The following FSTL1 variants were observed in gnomAD, a reference collection of about 807,000 sequenced individuals.
FSTL1 encodes follistatin-related protein 1.
In FSTL1, 24 loss-of-function variants were observed where a neutral mutation model predicts 45.9. The ratio of observed to expected loss-of-function variants is 0.52; its 90% CI spans 0.38 to 0.74. The LOEUF (loss-of-function observed/expected upper bound fraction) is 0.74, where lower values mean the gene tolerates loss of function less well. Ranked by LOEUF, FSTL1 falls within the 30% of genes least tolerant of loss-of-function variation. The pLI, the probability that FSTL1 is intolerant of heterozygous loss-of-function variation, is 0.00. For synonymous variants in FSTL1, 120 were observed against 137.6 expected (o/e 0.87, Z 0.89); for missense variants, 340 against 381.8 (o/e 0.89, Z 0.91).
chr3:120,406,674 G>A (rs1472087492), intron 6 of FSTL1, among the ~76,000 whole-genome samples: 1 of 152,224 alleles, frequency 6.6e-6, no homozygotes, highest in Admixed American at 6.5e-5. Context: ...GCCTGCCCCA[G>A]AAATAGCCTG....
At chr3:120,450,488 G>T (rs1190777348) in intron 2 of FSTL1, among the ~76,000 whole-genome samples, 196 bp downstream of exon 2, 1 of 151,994 alleles carries the variant, frequency 6.6e-6, no homozygotes, top group Non-Finnish European at 1.5e-5. Flanking sequence ...CTTACGGCCC[G>T]AACTACTTTT....
At chr3:120,445,220 G>A (rs116398462) in intron 2 of FSTL1, among the ~76,000 whole-genome samples, 1 of 149,760 alleles carries the variant, frequency 6.7e-6, no homozygotes, top group African/African-American at 2.6e-5. Context: ...TGTGTTTGCT[G>A]CACATCCTTG....
chr3:120,395,964 T>C lies in FSTL1; in HGVS notation c.*988A>G. 1 of 294,212 alleles carries C rather than the reference T, an allele frequency of 3.4e-6. No homozygotes were observed. 18.2% of individuals were successfully genotyped at this position (294,212 alleles called of 1,614,324 possible). On this transcript the variant is annotated 3_prime_UTR_variant, in exon 11 of 11. Transcript: ENST00000295633. ...CTCAGAATAAATAAAAACAAATTAA[T>C]GTTTGGATCTTGAAAGTTTTTTATG...
At chr3:120,441,549 TA>T (rs1206864099) in intron 2 of FSTL1, 3 of 152,206 alleles carry the variant, frequency 2.0e-5, no homozygotes, top group Admixed American at 2.0e-4. Flanking sequence ...GTTTTCTCTT[TA>T]AAAAAGAAGG....
At chr3:120,422,206 G>T (rs1233393736) in intron 2 of FSTL1, among the ~76,000 whole-genome samples, 1 of 152,128 alleles carries the variant, frequency 6.6e-6, no homozygotes, top group African/African-American at 2.4e-5. Flanking sequence ...ATGTCATTTG[G>T]GGGTACAAAG....
At position 120,403,439 on chromosome 3, in the gene FSTL1, C is replaced by G; in HGVS notation, c.582-85G>C. The G allele has an allele frequency of 3.8e-6, 3 of 787,612 alleles. No homozygotes were observed. The Admixed American group carries it at 6.2e-5, about 16-fold the overall frequency. 48.8% of individuals were successfully genotyped at this position (787,612 alleles called of 1,614,324 possible). A position where few individuals can be genotyped will look rare whatever the true frequency, so the allele number is the denominator to read the frequency against. On this transcript the variant is annotated intron_variant, in intron 7 of 10. Transcript: ENST00000295633. ...AAGTAAGCATCAGGACCACATACAC[C>G]CAGGGCCTCCACAGGAGGCCAAGAA...
intron 2 of FSTL1, 97 bp downstream of exon 2, chr3:120,450,587 C>A: frequency 1.3e-6 from 1 of 751,002 alleles, no homozygotes; most frequent in South Asian, 2.0e-5. Flanking sequence ...CCAGCGCCAC[C>A]CCGGGAGAGC....
chr3:120,432,133 T>A (rs1937488340), intron 2 of FSTL1, among the ~76,000 whole-genome samples: 2 of 152,218 alleles, frequency 1.3e-5, no homozygotes, highest in African/African-American at 2.4e-5. Context: ...ATGGACAAAT[T>A]TGGCAATGAG....
At chr3:120,400,166 C>A in intron 9 of FSTL1, 1 of 584,404 alleles carries the variant, frequency 1.7e-6, no homozygotes, top group South Asian at 2.1e-5. Context: ...AAGCAATCTA[C>A]CCCAACTCCT....
intron 2 of FSTL1, among the ~76,000 whole-genome samples, chr3:120,428,317 A>C (rs887844763): frequency 6.6e-6 from 1 of 152,210 alleles, no homozygotes. Flanking sequence ...ATGCCCAACC[A>C]AGAGGTGAGA....
At chr3:120,439,646 G>C (rs1937607839) in intron 2 of FSTL1, among the ~76,000 whole-genome samples, 1 of 152,208 alleles carries the variant, frequency 6.6e-6, no homozygotes, top group Admixed American at 6.5e-5. Context: ...TCCTTCCTGT[G>C]GGTGGGCAGA....
intron 2 of FSTL1, among the ~76,000 whole-genome samples, chr3:120,436,887 A>G (rs983737751): frequency 1.3e-5 from 2 of 152,182 alleles, no homozygotes; most frequent in Non-Finnish European, 2.9e-5. Flanking sequence ...GCAAGCATAC[A>G]TCTGCCTCCA....
At chr3:120,446,832 G>A (rs929827298) in intron 2 of FSTL1, among the ~76,000 whole-genome samples, 5 of 152,308 alleles carry the variant, frequency 3.3e-5, no homozygotes, top group East Asian at 3.9e-4. Flanking sequence ...CATGTCTAGA[G>A]CTAAGTGAAG....
At chr3:120,407,447 T>G (rs1187216457) in intron 6 of FSTL1, among the ~76,000 whole-genome samples, 1 of 152,262 alleles carries the variant, frequency 6.6e-6, no homozygotes, top group Non-Finnish European at 1.5e-5. Flanking sequence ...TACCTGGGTC[T>G]TTCTTTCTTC....
At chr3:120,413,955 C>G (rs1034976354) in intron 3 of FSTL1, among the ~76,000 whole-genome samples, 2 of 152,010 alleles carry the variant, frequency 1.3e-5, no homozygotes, top group Non-Finnish European at 2.9e-5. Flanking sequence ...CCATGCCTGA[C>G]TGGTTTTGGT....
intron 3 of FSTL1, among the ~76,000 whole-genome samples, chr3:120,413,239 C>T (rs995987583): frequency 7.9e-5 from 12 of 152,194 alleles, no homozygotes; most frequent in Non-Finnish European, 1.3e-4. Flanking sequence ...AAGTGGATGG[C>T]AGCCCAACCT....
chr3:120,408,878 C>T (rs1936997192), intron 6 of FSTL1, among the ~76,000 whole-genome samples: 1 of 152,178 alleles, frequency 6.6e-6, no homozygotes, highest in Admixed American at 6.5e-5. Flanking sequence ...TCTTCTAACT[C>T]TCAAGTTCTG....
At position 120,415,965 on chromosome 3, in the gene FSTL1, A is replaced by G. The variant is rs1559738413; in HGVS notation, c.126T>C (p.Cys42=). The G allele has an allele frequency of 6.2e-7, 1 of 1,613,982 alleles. No homozygotes were observed. Among genetic ancestry groups the G allele is most frequent in the Non-Finnish European group, 8.5e-7 (1 of 1,179,844 alleles). Residue 42 remains cysteine (C), a synonymous_variant, in exon 3 of 11, where the codon TGT becomes TGC. Coordinates refer to ENST00000295633, the MANE Select transcript of FSTL1 (RefSeq NM_007085.5). ...ANVFCGAGRE[C]AVTEKGEPTC... is the part of the protein sequence containing the mutation. ...TGGGTTCCCCTTTCTCTGTGACTGC[A>G]CATTCCCGGCCGGCTCCACAAAACA...
chr3:120,432,784 C>T (rs538248144), intron 2 of FSTL1, among the ~76,000 whole-genome samples: 1 of 152,130 alleles, frequency 6.6e-6, no homozygotes, highest in East Asian at 1.9e-4. Flanking sequence ...ATGGTAAGTC[C>T]GGGAACTCTG....
Sources: allele counts gnomAD v4.1 joint callset (sites outside exome capture counted in the v4.1 genomes callset), GRCh38; gene constraint gnomAD v4.1.1; transcripts MANE v1.5; gene names NCBI Gene and HGNC (gene_info 2026-07-23, HGNC 2026-07-21).